ZNF670: variants seen among roughly 807,000 people sequenced by gnomAD.
The protein encoded by ZNF670 is zinc finger protein 670.
ZNF670 carries 7 observed loss-of-function variants against 10.9 expected under a neutral mutation model. The observed-to-expected ratio is 0.64, with a 90% confidence interval of 0.36 to 1.20. The LOEUF (loss-of-function observed/expected upper bound fraction) is 1.20. Ranked by LOEUF, ZNF670 falls within the 50% of genes most tolerant of loss-of-function variation. ZNF670 has a pLI of 0.02. For synonymous variants in ZNF670, 136 were observed against 152.7 expected, an observed-to-expected ratio of 0.89 and a Z score of 0.81; for missense variants, 446 against 458.6, an observed-to-expected ratio of 0.97 and a Z score of 0.25.
chr1:247,057,322 G>A (rs1034110148), intron 1 of ZNF670, among the ~76,000 whole-genome samples: 12 of 152,132 alleles, frequency 7.9e-5, no homozygotes, highest in Non-Finnish European at 1.8e-4. Flanking sequence ...CCATTAAAAT[G>A]GCTTTTACCA....
At chr1:247,038,779 G>T in intron 3 of ZNF670, 31 bp downstream of exon 3, 1 of 1,565,376 alleles carries the variant, frequency 6.4e-7, no homozygotes, top group Non-Finnish European at 8.8e-7. Flanking sequence ...TTCCCTCAAG[G>T]GGCATTTTTG....
rs1670211839 is a variant in ZNF670, at chr1:247,038,208, T to C, written c.411A>G (p.Pro137=). The change falls in exon 4 of 4, where the codon CCA becomes CCG. Residue 137 remains proline (P), a synonymous_variant. Coordinates refer to ENST00000366503, the MANE Select transcript of ZNF670 (RefSeq NM_033213.5). ...GNKLFECEEC[P]EKLYHCKQCG... is the part of the protein sequence containing the mutation. ...ATTGTTTGCAATGATATAACTTCTCTGGACATTCCTCACACTCAAATAGTT... is the reference window on the plus strand; with the variant it reads ...ATTGTTTGCAATGATATAACTTCTCCGGACATTCCTCACACTCAAATAGTT... The C allele has an allele frequency of 2.5e-6, 4 of 1,614,190 alleles. No individual in the cohort carries two copies. The highest frequency in any genetic ancestry group is 3.4e-6 in the Non-Finnish European group (4 of 1,180,030).
intron 3 of ZNF670, 96 bp downstream of exon 3, chr1:247,038,713 AT>A: frequency 9.0e-7 from 1 of 1,110,998 alleles, no homozygotes. Flanking sequence ...GAAAAAAAAA[AT>A]TTCTAGTGGT....
At chr1:247,055,868 T>C (rs1292355069) in intron 1 of ZNF670, among the ~76,000 whole-genome samples, 5 of 152,120 alleles carry the variant, frequency 3.3e-5, no homozygotes, top group African/African-American at 9.7e-5. Flanking sequence ...GCTATACTTA[T>C]ATCAGATGAA....
intron 1 of ZNF670, among the ~76,000 whole-genome samples, chr1:247,074,230 T>C (rs76590015): frequency 0.027 from 4,048 of 152,186 alleles, 197 homozygotes; most frequent in African/African-American, 0.092. Context: ...AACAAAATAC[T>C]TGCTAACCAA....
At chr1:247,076,288 G>A (rs547085068) in intron 1 of ZNF670, among the ~76,000 whole-genome samples, 4 of 148,610 alleles carry the variant, frequency 2.7e-5, no homozygotes, top group African/African-American at 9.9e-5. Flanking sequence ...ACGGAGTCTT[G>A]CTCTGTCACC....
At chr1:247,040,122 T>C (rs1670269650) in intron 1 of ZNF670, among the ~76,000 whole-genome samples, 1 of 152,224 alleles carries the variant, frequency 6.6e-6, no homozygotes, top group South Asian at 2.1e-4. Flanking sequence ...GGATCAGCTC[T>C]GAAAAACACT....
At chr1:247,078,441 T>C (rs1671306606) in intron 1 of ZNF670, among the ~76,000 whole-genome samples, 153 bp downstream of exon 1, 1 of 152,192 alleles carries the variant, frequency 6.6e-6, no homozygotes, top group African/African-American at 2.4e-5. Flanking sequence ...GCCCGGGGTC[T>C]GGCTGCGGGT....
chr1:247,065,654 C>G (rs1572569842), intron 1 of ZNF670, among the ~76,000 whole-genome samples: 1 of 152,226 alleles, frequency 6.6e-6, no homozygotes, highest in East Asian at 1.9e-4. Flanking sequence ...TAAATGAGAA[C>G]TATTTGAAAA....
intron 1 of ZNF670, among the ~76,000 whole-genome samples, chr1:247,047,588 A>G (rs1670481664): frequency 6.6e-6 from 1 of 151,910 alleles, no homozygotes; most frequent in Non-Finnish European, 1.5e-5. Context: ...CCAATCCCAC[A>G]TTTCCCTTCC....
At chr1:247,063,214 T>C (rs369472212) in intron 1 of ZNF670, among the ~76,000 whole-genome samples, 62 of 152,280 alleles carry the variant, frequency 4.1e-4, no homozygotes, top group African/African-American at 1.1e-3. Flanking sequence ...AAATGGATCA[T>C]AGGAAACAAA....
intron 1 of ZNF670, among the ~76,000 whole-genome samples, chr1:247,071,084 G>A (rs1377984706): frequency 6.6e-6 from 1 of 152,160 alleles, no homozygotes; most frequent in Non-Finnish European, 1.5e-5. Context: ...CCTTAAAACA[G>A]AACTACCATT....
At chr1:247,047,328 GACAT>G (rs1670474651) in intron 1 of ZNF670, among the ~76,000 whole-genome samples, 1 of 151,998 alleles carries the variant, frequency 6.6e-6, no homozygotes, top group Non-Finnish European at 1.5e-5. Flanking sequence ...CTTCTGCCTA[GACAT>G]CCGTGTATTT....
chr1:247,066,915 T>G (rs868813807), intron 1 of ZNF670, among the ~76,000 whole-genome samples: 5 of 152,194 alleles, frequency 3.3e-5, no homozygotes, highest in Non-Finnish European at 5.9e-5. Flanking sequence ...TAAGAACATT[T>G]TTAAAACTAC....
intron 1 of ZNF670, among the ~76,000 whole-genome samples, chr1:247,054,507 C>T (rs1387804675): frequency 1.3e-5 from 2 of 152,254 alleles, no homozygotes; most frequent in African/African-American, 4.8e-5. Flanking sequence ...GTGAGGCCCA[C>T]ATTTTAGGCC....
At chr1:247,073,402 A>G (rs2103073741) in intron 1 of ZNF670, among the ~76,000 whole-genome samples, 1 of 150,040 alleles carries the variant, frequency 6.7e-6, no homozygotes, top group South Asian at 2.1e-4. Context: ...GAATGAGTGA[A>G]GGCAAGCTTG....
At position 247,035,816 on chromosome 1, in the gene ZNF670, T is replaced by C. The variant is rs182509879; in HGVS notation, c.*1633A>G. ...ATCAATATGGGTTGAGTGTTTCTTA[T>C]CTGAAATACTTGGGAACGGAAGTGC... On this transcript the variant is annotated 3_prime_UTR_variant, in exon 4 of 4. Coordinates refer to ENST00000366503, the MANE Select transcript of ZNF670 (RefSeq NM_033213.5). 2.6e-5 allele frequency among the ~76,000 whole-genome samples: 4 copies of C among 152,346 alleles called. No homozygotes were observed. Among genetic ancestry groups the C allele is most frequent in the African/African-American group, 7.2e-5 (3 of 41,586 alleles).
Position 247,037,676 on chromosome 1 carries a change from C to T in ZNF670, c.943G>A (p.Gly315Ser). 1 of 1,613,978 alleles carries T rather than the reference C, an allele frequency of 6.2e-7. No homozygotes were observed. The highest frequency in any genetic ancestry group is 1.7e-5 in the Admixed American group (1 of 60,004). Residue 315 changes from glycine to serine, a missense_variant, in exon 4 of 4, where the codon GGT becomes AGT. Coordinates refer to ENST00000366503, the MANE Select transcript of ZNF670 (RefSeq NM_033213.5). ...GEKPYECKQC[G>S]KAFKYSSNLC... Reference sequence around the variant, plus strand: ...TTACTAGAATATTTGAAGGCTTTACCACATTGTTTACATTCATAGGGCTTT... The same window carrying T: ...TTACTAGAATATTTGAAGGCTTTACTACATTGTTTACATTCATAGGGCTTT...
intron 1 of ZNF670, among the ~76,000 whole-genome samples, chr1:247,050,907 GT>G (rs549698409): frequency 6.6e-6 from 1 of 151,600 alleles, no homozygotes; most frequent in Non-Finnish European, 1.5e-5. Context: ...GAATACCTTG[GT>G]TTTTTTTCTT....
Sources: gnomAD v4.1 joint callset for allele counts (sites outside exome capture counted in the v4.1 genomes callset) on GRCh38, gnomAD v4.1.1 for gene constraint, MANE v1.5 for transcripts, NCBI Gene and HGNC (gene_info 2026-07-23, HGNC 2026-07-21) for gene names.